Variants in YJU2B observed in about 807,000 individuals in gnomAD.
YJU2B encodes YJU2 splicing factor homolog B.
In YJU2B, 18 loss-of-function variants were observed where a neutral mutation model predicts 38.0. The ratio of observed to expected loss-of-function variants is 0.47; its 90% CI spans 0.33 to 0.70. The LOEUF is 0.70. Among genes scored for constraint, YJU2B ranks in the 30% least tolerant of loss-of-function variants. The pLI, the probability that YJU2B is intolerant of heterozygous loss-of-function variation, is 0.02. For synonymous variants in YJU2B, 246 were observed against 225.4 expected (o/e 1.09, Z -0.82); for missense variants, 538 against 556.3 (o/e 0.97, Z 0.33).
chr19:13,752,357 C>G (rs1973501977), intron 2 of YJU2B, among the ~76,000 whole-genome samples: 1 of 151,892 alleles, frequency 6.6e-6, no homozygotes, highest in African/African-American at 2.4e-5. Context: ...CCTGTAATAC[C>G]AGCAGTTTGG....
intron 3 of YJU2B, among the ~76,000 whole-genome samples, chr19:13,755,580 G>C (rs1038399385): frequency 6.6e-6 from 1 of 152,028 alleles, no homozygotes; most frequent in African/African-American, 2.4e-5. Flanking sequence ...ATTATACGTA[G>C]TTGACAGACA....
upstream of YJU2B, among the ~76,000 whole-genome samples, chr19:13,747,115 T>C (rs1331243891): frequency 6.6e-6 from 1 of 152,182 alleles, no homozygotes; most frequent in East Asian, 1.9e-4. Flanking sequence ...CACTCTTCCC[T>C]AGTTAATAAG....
chr19:13,750,985 C>G (rs560526435), intron 1 of YJU2B, among the ~76,000 whole-genome samples: 1 of 151,438 alleles, frequency 6.6e-6, no homozygotes, highest in Admixed American at 6.6e-5. Flanking sequence ...ACAGAGTGAA[C>G]GAGAGATAGA....
upstream of YJU2B, among the ~76,000 whole-genome samples, chr19:13,744,816 AC>A (rs1280377178): frequency 9.2e-5 from 14 of 151,984 alleles, no homozygotes; most frequent in Admixed American, 9.2e-4. Flanking sequence ...ACATGGTGAA[AC>A]CCCGTTTCTA....
At chr19:13,754,982 T>C (rs1356598161) in intron 3 of YJU2B, among the ~76,000 whole-genome samples, 2 of 151,940 alleles carry the variant, frequency 1.3e-5, no homozygotes, top group Non-Finnish European at 2.9e-5. Context: ...ATGCCAAAGT[T>C]TCTCCATACG....
chr19:13,762,743 C>T lies in YJU2B; in HGVS notation c.866C>T (p.Thr289Ile), dbSNP rs1290020580. The change falls in exon 10 of 10, where the codon ACC becomes ATC. Residue 289 changes from threonine (T) to isoleucine (I), a missense_variant. Physicochemically the swap from Thr to Ile is moderately conservative, Grantham distance 89. Transcript: ENST00000221554. ...RRTALATSPI[T>I]VGDLGIVRRR... ...ACCGCGCTTGCCACCTCCCCCATCACCGTCGGGGACCTGGGCATCGTGCGG... is the reference window on the plus strand; with the variant it reads ...ACCGCGCTTGCCACCTCCCCCATCATCGTCGGGGACCTGGGCATCGTGCGG... 2 of 1,608,446 alleles carry T rather than the reference C, an allele frequency of 1.2e-6. No homozygotes were observed. The highest frequency in any genetic ancestry group is 2.7e-5 in the African/African-American group (2 of 74,888).
chr19:13,738,687 C>A (rs542874127), intron 2 of YJU2B, among the ~76,000 whole-genome samples: 3 of 151,880 alleles, frequency 2.0e-5, no homozygotes, highest in African/African-American at 4.8e-5. Flanking sequence ...GTCAGGAGAT[C>A]GAGACTATCC....
At chr19:13,752,820 C>T (rs1973520402) in intron 2 of YJU2B, among the ~76,000 whole-genome samples, 1 of 151,620 alleles carries the variant, frequency 6.6e-6, no homozygotes, top group South Asian at 2.1e-4. Flanking sequence ...GGCTAAGGCA[C>T]GAGGATTGCT....
Position 13,753,434 on chromosome 19 carries a change from C to T in YJU2B, c.4-855C>T, listed in dbSNP as rs185038697. On this transcript the variant is annotated intron_variant, in intron 2 of 9. Coordinates refer to ENST00000221554, the MANE Select transcript of YJU2B (RefSeq NM_030818.4). ...TAAAAATACAAAAAAATTAGCTGGG[C>T]GTAGTGGCACATGCCTGTAATCCCA... Among the ~76,000 whole-genome samples, 472 of 151,984 alleles carry T rather than the reference C, an allele frequency of 3.1e-3. 10 individuals are homozygous for T. Among genetic ancestry groups the T allele is most frequent in the Admixed American group, 0.027 (415 of 15,230 alleles).
intron 3 of YJU2B, among the ~76,000 whole-genome samples, chr19:13,755,061 G>A (rs1466225419): frequency 6.6e-6 from 1 of 152,016 alleles, no homozygotes; most frequent in African/African-American, 2.4e-5. Flanking sequence ...CTACTCAGGA[G>A]GCTGAGGTGG....
chr19:13,752,255 CCTTTCTCTTT>C (rs1003196189), intron 2 of YJU2B, among the ~76,000 whole-genome samples: 16 of 147,356 alleles, frequency 1.1e-4, no homozygotes, highest in African/African-American at 3.7e-4. Context: ...CCTACCCCTT[CCTTTCTCTTT>C]CTTTCTTTCA....
At chr19:13,757,897 G>C (rs760096971) in intron 6 of YJU2B, 51 bp downstream of exon 6, 1 of 1,514,672 alleles carries the variant, frequency 6.6e-7, no homozygotes, top group Non-Finnish European at 9.2e-7. Flanking sequence ...GCCACAGGGC[G>C]AGGGGGCTAC....
chr19:13,750,469 C>T (rs1245258504), intron 1 of YJU2B, among the ~76,000 whole-genome samples: 1 of 152,140 alleles, frequency 6.6e-6, no homozygotes, highest in Non-Finnish European at 1.5e-5. Flanking sequence ...TCAGGGGATC[C>T]ACCTGCTTCA....
chr19:13,762,505 A>T, intron 9 of YJU2B, 68 bp downstream of exon 9: 1 of 1,580,592 alleles, frequency 6.3e-7, no homozygotes, highest in Non-Finnish European at 8.6e-7. Context: ...GGGGGTCCTC[A>T]GCCATGAGTG....
intron 2 of YJU2B, among the ~76,000 whole-genome samples, chr19:13,734,581 C>T (rs559145254): frequency 1.2e-4 from 19 of 152,118 alleles, no homozygotes; most frequent in South Asian, 2.1e-4. Context: ...TGAGCCACCG[C>T]GCCCGGCCCT....
intron 6 of YJU2B, among the ~76,000 whole-genome samples, 179 bp downstream of exon 6, chr19:13,758,025 T>C (rs1463388266): frequency 1.3e-5 from 2 of 151,948 alleles, no homozygotes; most frequent in East Asian, 3.9e-4. Flanking sequence ...CCTTCCTCAG[T>C]AAAAGCCCAA....
intron 3 of YJU2B, among the ~76,000 whole-genome samples, chr19:13,754,645 C>T (rs769816406): frequency 4.6e-5 from 7 of 152,108 alleles, no homozygotes; most frequent in Admixed American, 1.3e-4. Flanking sequence ...GCACCTGTGG[C>T]GTCCTGGTTG....
Position 13,762,155 on chromosome 19 carries a change from A to T in YJU2B, c.574-144A>T, listed in dbSNP as rs972470867. 6 of 949,358 alleles carry T rather than the reference A, an allele frequency of 6.3e-6. No individual in the cohort carries two copies. In the African/African-American group the frequency reaches 9.9e-5, roughly 16 times the overall value. The allele number at this position is 949,358 out of a possible 1,614,324, so 58.8% of individuals were successfully genotyped here. On this transcript the variant is annotated intron_variant, in intron 8 of 9. Coordinates refer to ENST00000221554, the MANE Select transcript of YJU2B (RefSeq NM_030818.4). ...GGCTGCAGTGAGCTATGATTGTGCC[A>T]CTGCACTCCAGTCTGGGCGACAGAA...
At position 13,754,269 on chromosome 19, in the gene YJU2B, GTC is replaced by G. The variant is rs751265204; in HGVS notation, c.4-16_4-15del. On this transcript the variant is annotated intron_variant, in intron 2 of 9. Transcript: ENST00000221554. ...CCATATCAGCCTCTCTCTGAGTCAT[GTC>G]TCTGTTCTGCTTTGCAGGGTGAAAG... 6.0e-5 allele frequency: 96 copies of G among 1,606,064 alleles called. No individual in the cohort carries two copies. Among genetic ancestry groups the G allele is most frequent in the Non-Finnish European group, 7.8e-5 (92 of 1,172,804 alleles).
Sources: allele counts gnomAD v4.1 joint callset (sites outside exome capture counted in the v4.1 genomes callset), GRCh38; gene constraint gnomAD v4.1.1; transcripts MANE v1.5; gene names NCBI Gene and HGNC (gene_info 2026-07-23, HGNC 2026-07-21).